Variants in BLNK observed in about 807,000 individuals in gnomAD.
The protein encoded by BLNK is B cell linker, also known as B-cell linker protein.
In BLNK, 29 loss-of-function variants were observed where a neutral mutation model predicts 73.5. That is an observed-to-expected ratio of 0.39 (90% CI 0.29 to 0.54). BLNK has a LOEUF of 0.54. BLNK is among the 20% of genes least tolerant of loss of function. The pLI is 0.61. For missense variants in BLNK, 460 were observed against 562.8 expected, an observed-to-expected ratio of 0.82 and a Z score of 1.85; for synonymous variants, 176 against 200.8, an observed-to-expected ratio of 0.88 and a Z score of 1.04.
rs11188672 is a variant in BLNK at position 96,228,269 on chromosome 10, T to G, written c.205-703A>C. Among the ~76,000 whole-genome samples the G allele has an allele frequency of 4.3e-3, 657 of 152,190 alleles. 5 individuals are homozygous for G. Among genetic ancestry groups the G allele is most frequent in the African/African-American group, 0.015 (625 of 41,516 alleles). The stretch of plus-strand genomic sequence containing the variant: ...CATGCACCACCGTGCCTGGCTAATT[T>G]TTTTTTGAAACCGAGTCTTGCTTTG... On this transcript the variant is annotated intron_variant, in intron 4 of 16. Transcript: ENST00000224337.
chr10:96,204,707 T>G, intron 11 of BLNK, 91 bp from the exon 12 acceptor site: 1 of 1,147,926 alleles, frequency 8.7e-7, no homozygotes, highest in East Asian at 2.4e-5. Flanking sequence ...GAACCAAATT[T>G]GATCAGAAGT....
chr10:96,199,840 A>G (rs1308363049), intron 15 of BLNK: 1 of 250,284 alleles, frequency 4.0e-6, no homozygotes, highest in Non-Finnish European at 7.7e-6. Flanking sequence ...CCTGGCCAAC[A>G]TGGTAAAACC....
At chr10:96,265,113 A>C (rs541302660) in intron 1 of BLNK, among the ~76,000 whole-genome samples, 17 of 124,482 alleles carry the variant, frequency 1.4e-4, no homozygotes, top group Admixed American at 1.3e-3. Context: ...ATGCCACCAC[A>C]CCAGACTTAT....
At position 96,271,412 on chromosome 10, in the gene BLNK, T is replaced by G. The variant is rs781874965; in HGVS notation, c.-14A>C. ...AAGCTTGTCCATTCTGTTTGGTAAT[T>G]GTAAGAGACACGAATAACTGTCCAG... On this transcript the variant is annotated 5_prime_UTR_variant, in exon 1 of 17. Coordinates refer to ENST00000224337, the MANE Select transcript of BLNK (RefSeq NM_013314.4). 2 of 1,614,080 alleles carry G rather than the reference T, an allele frequency of 1.2e-6. No individual in the cohort carries two copies. Among genetic ancestry groups the G allele is most frequent in the Non-Finnish European group, 1.7e-6 (2 of 1,179,940 alleles).
Position 96,216,426 on chromosome 10 carries a change from T to A in BLNK, c.607+227A>T, listed in dbSNP as rs1204854710. 4 of 576,042 alleles carry A rather than the reference T, an allele frequency of 6.9e-6. No homozygotes were observed. In the African/African-American group the frequency reaches 7.5e-5, roughly 11 times the overall value. The allele number at this position is 576,042 out of a possible 1,614,324, so 35.7% of individuals were successfully genotyped here. ...CTTTCATAATGTGAGATGGGAAGAT[T>A]AAAGCATGGAAGAGGAAGGGGAAGG... On this transcript the variant is annotated intron_variant, in intron 7 of 16. Coordinates refer to ENST00000224337, the MANE Select transcript of BLNK (RefSeq NM_013314.4).
At chr10:96,204,347 GTC>G in intron 12 of BLNK, 183 bp downstream of exon 12, 1 of 735,170 alleles carries the variant, frequency 1.4e-6, no homozygotes, top group South Asian at 1.7e-5. Context: ...CAATTAGTAG[GTC>G]TCTGCAACTC....
intron 6 of BLNK, among the ~76,000 whole-genome samples, chr10:96,219,421 G>C (rs1225763392): frequency 6.6e-6 from 1 of 152,148 alleles, no homozygotes; most frequent in Non-Finnish European, 1.5e-5. Context: ...AAAAGGAGAG[G>C]CTGAGCCCCC....
At chr10:96,254,562 G>A (rs1432614863) in intron 1 of BLNK, among the ~76,000 whole-genome samples, 5 of 151,924 alleles carry the variant, frequency 3.3e-5, no homozygotes, top group African/African-American at 1.2e-4. Flanking sequence ...CCAGGCTGGA[G>A]TGCAATAGCA....
At chr10:96,212,399 G>A (rs1475798807) in intron 8 of BLNK, among the ~76,000 whole-genome samples, 1 of 152,166 alleles carries the variant, frequency 6.6e-6, no homozygotes, top group Non-Finnish European at 1.5e-5. Flanking sequence ...TCTATATTGA[G>A]TCACTTAATT....
chr10:96,213,930 A>T (rs2084004269), intron 8 of BLNK, among the ~76,000 whole-genome samples: 1 of 152,164 alleles, frequency 6.6e-6, no homozygotes, highest in Non-Finnish European at 1.5e-5. Context: ...CCACTTATAA[A>T]GCGCTTGTGG....
chr10:96,202,984 C>A (rs2083686291), intron 13 of BLNK, among the ~76,000 whole-genome samples: 2 of 152,206 alleles, frequency 1.3e-5, no homozygotes, highest in African/African-American at 4.8e-5. Context: ...CCACCCACCC[C>A]TGCTGCTGCG....
Position 96,201,067 on chromosome 10 carries a change from G to T in BLNK, c.935-9C>A, listed in dbSNP as rs2083619954. ...TCCCCCTTCTGTAAATCCTGAAAGG[G>T]ATCAGAAAAGTCCTTCAATTAATCT... On this transcript the variant is annotated splice_polypyrimidine_tract_variant and intron_variant, in intron 13 of 16. Coordinates refer to ENST00000224337, the MANE Select transcript of BLNK (RefSeq NM_013314.4). The T allele has an allele frequency of 1.2e-6, 2 of 1,611,144 alleles. No homozygotes were observed. Among genetic ancestry groups the T allele is most frequent in the Non-Finnish European group, 8.5e-7 (1 of 1,177,308 alleles).
In BLNK at chr10:96,228,090, TTTTTC is replaced by T. The variant is rs1271824449; in HGVS notation, c.205-529_205-525del. ...AATGGACTCAGGGTTTGCTCTCTTT[TTTTTC>T]TTTTTTTTTTTTTCCTGTTTTTGAG... On this transcript the variant is annotated intron_variant, in intron 4 of 16. Coordinates refer to ENST00000224337, the MANE Select transcript of BLNK (RefSeq NM_013314.4). Among the ~76,000 whole-genome samples, 81 of 15,832 alleles carry T rather than the reference TTTTTC, an allele frequency of 5.1e-3. 1 individual carries two copies. In the East Asian group the frequency reaches 0.09, roughly 18 times the overall value. The allele number at this position is 15,832 out of a possible 152,430, so 10.4% of individuals were successfully genotyped here.
rs1170876698 is a variant in BLNK at position 96,246,921 on chromosome 10, C to T, written c.113+63G>A. 5 of 1,284,388 alleles carry T rather than the reference C, an allele frequency of 3.9e-6. No homozygotes were observed. The African/African-American group carries it at 6.1e-5, about 16-fold the overall frequency. 79.6% of individuals were successfully genotyped at this position (1,284,388 alleles called of 1,614,324 possible). On this transcript the variant is annotated intron_variant, in intron 2 of 16. Coordinates refer to ENST00000224337, the MANE Select transcript of BLNK (RefSeq NM_013314.4). The stretch of plus-strand genomic sequence containing the variant: ...TCCAGGTAACAGAGAAATTTGTTTT[C>T]TTCCATGTAGCACATGTTGACTTAT...
chr10:96,260,271 C>T (rs577078826), intron 1 of BLNK, among the ~76,000 whole-genome samples: 19 of 152,318 alleles, frequency 1.2e-4, no homozygotes, highest in African/African-American at 4.6e-4. Context: ...AGTCCCTTCA[C>T]TGTGTCTGAC....
At chr10:96,247,107 AG>A (rs1843074788) in intron 1 of BLNK, 58 bp from the exon 2 acceptor site, 2 of 1,221,164 alleles carry the variant, frequency 1.6e-6, no homozygotes, top group East Asian at 4.7e-5. Context: ...TTTTAAAAAA[AG>A]TCTCCTACTC....
intron 4 of BLNK, among the ~76,000 whole-genome samples, chr10:96,228,805 C>T (rs1323840014): frequency 6.6e-6 from 1 of 152,152 alleles, no homozygotes; most frequent in Non-Finnish European, 1.5e-5. Context: ...GTCCTCTGGC[C>T]TCTGTGTCCA....
At chr10:96,246,339 G>T (rs970039262) in intron 2 of BLNK, among the ~76,000 whole-genome samples, 1 of 152,112 alleles carries the variant, frequency 6.6e-6, no homozygotes, top group East Asian at 1.9e-4. Flanking sequence ...GATCACCTGA[G>T]GTCAGGAGTT....
chr10:96,204,301 A>C (rs1213829748), intron 12 of BLNK: 1 of 706,386 alleles, frequency 1.4e-6, no homozygotes, highest in African/African-American at 1.8e-5. Context: ...AATCTTGACT[A>C]AAGTATTGTA....
Sources: allele counts gnomAD v4.1 joint callset (sites outside exome capture counted in the v4.1 genomes callset), GRCh38; gene constraint gnomAD v4.1.1; transcripts MANE v1.5; gene names NCBI Gene and HGNC (gene_info 2026-07-23, HGNC 2026-07-21).